PHF21B: variants seen among roughly 807,000 people sequenced by gnomAD.
PHF21B encodes PHD finger protein 4.
In PHF21B, 22 loss-of-function variants were observed where a neutral mutation model predicts 62.2. The observed-to-expected ratio is 0.35, with a 90% CI of 0.25 to 0.51. The LOEUF (loss-of-function observed/expected upper bound fraction) is 0.51, where lower values mean the gene tolerates loss of function less well. PHF21B is among the 20% of genes least tolerant of loss of function. The probability of loss-of-function intolerance (pLI) is 0.97; values close to 1 mark genes in which losing one functional copy is unlikely to be tolerated. For synonymous variants in PHF21B, 341 were observed against 314.7 expected (o/e 1.08, Z -0.88); for missense variants, 701 against 707.9 (o/e 0.99, Z 0.11).
intron 10 of PHF21B, 117 bp downstream of exon 10, chr22:44,887,846 T>G (rs1466008520): frequency 8.8e-7 from 1 of 1,138,122 alleles, no homozygotes; most frequent in Admixed American, 4.1e-5. Flanking sequence ...TGTGCTGAGG[T>G]TGAAAAAGCC....
chr22:44,894,795 G>A (rs1226853675), intron 6 of PHF21B, among the ~76,000 whole-genome samples: 1 of 152,140 alleles, frequency 6.6e-6, no homozygotes, highest in Non-Finnish European at 1.5e-5. Flanking sequence ...GGACATAAAG[G>A]GAGAGGGCTG....
chr22:44,913,310 G>C (rs1016214574), intron 5 of PHF21B, among the ~76,000 whole-genome samples: 6 of 152,182 alleles, frequency 3.9e-5, no homozygotes, highest in African/African-American at 1.4e-4. Context: ...GCAGAGAAGA[G>C]GCAGGGGCCA....
At chr22:45,000,045 T>C (rs994365607) in intron 2 of PHF21B, among the ~76,000 whole-genome samples, 2 of 152,110 alleles carry the variant, frequency 1.3e-5, no homozygotes, top group Non-Finnish European at 1.5e-5. Context: ...AATCCCCTTT[T>C]ATAACTACGG....
At position 44,882,546 on chromosome 22, in the gene PHF21B, G is replaced by GCCCA. The variant is rs2070757561; in HGVS notation, c.*536_*539dup. On this transcript the variant is annotated 3_prime_UTR_variant, in exon 13 of 13. Transcript: ENST00000313237. ...GCGACGGAGTGCCCCAGGCCCGCCC[G>GCCCA]CCCACCCCAGGGGGACCTCCTAGGA... is the stretch of plus-strand genomic sequence containing the variant. 5 of 52,834 alleles carry GCCCA rather than the reference G, an allele frequency of 9.5e-5. No individual in the cohort carries two copies. In the South Asian group the frequency reaches 2.8e-3, roughly 30 times the overall value. The allele number at this position is 52,834 out of a possible 1,614,324, so 3.3% of individuals were successfully genotyped here.
chr22:45,007,104 G>A (rs1019735504), intron 2 of PHF21B, among the ~76,000 whole-genome samples: 1 of 148,416 alleles, frequency 6.7e-6, no homozygotes, highest in Non-Finnish European at 1.5e-5. Context: ...GGCCGGGGGC[G>A]GGGGGGCCGC....
intron 2 of PHF21B, among the ~76,000 whole-genome samples, chr22:44,987,199 G>A (rs2072965707): frequency 6.6e-6 from 1 of 152,186 alleles, no homozygotes; most frequent in South Asian, 2.1e-4. Flanking sequence ...TATTTCCGGT[G>A]AAAGCTGCTG....
chr22:44,973,833 G>C (rs1010386742), intron 2 of PHF21B, among the ~76,000 whole-genome samples: 4 of 152,226 alleles, frequency 2.6e-5, no homozygotes, highest in Admixed American at 1.3e-4. Flanking sequence ...ACAAGACCTA[G>C]CCCAGCACTG....
chr22:44,904,823 G>A (rs1248657849), intron 5 of PHF21B, among the ~76,000 whole-genome samples: 1 of 93,284 alleles, frequency 1.1e-5, no homozygotes, highest in Non-Finnish European at 2.2e-5. Context: ...CAAAAGGAAA[G>A]GGAGTATCTG....
At chr22:44,992,014 G>A (rs1365545734) in intron 2 of PHF21B, among the ~76,000 whole-genome samples, 4 of 152,330 alleles carry the variant, frequency 2.6e-5, no homozygotes, top group Middle Eastern at 3.4e-3. Context: ...TTGGGGGAGC[G>A]CACTTGGTCG....
chr22:44,918,905 G>C (rs565746234), intron 3 of PHF21B, among the ~76,000 whole-genome samples: 4 of 152,146 alleles, frequency 2.6e-5, no homozygotes, highest in African/African-American at 7.2e-5. Flanking sequence ...AAGGGTCACC[G>C]ACAGGAGAAG....
intron 2 of PHF21B, among the ~76,000 whole-genome samples, chr22:44,939,898 G>A (rs1424160670): frequency 1.3e-5 from 2 of 152,036 alleles, no homozygotes; most frequent in Non-Finnish European, 2.9e-5. Flanking sequence ...GGGAGGTGAG[G>A]ATGAGTAAGA....
intron 5 of PHF21B, among the ~76,000 whole-genome samples, chr22:44,897,403 C>A (rs1050050023): frequency 2.6e-5 from 4 of 152,060 alleles, no homozygotes; most frequent in Non-Finnish European, 5.9e-5. Flanking sequence ...GGTGCCAAAG[C>A]CACTCCTATG....
At chr22:44,931,086 GCT>G (rs1228855708) in intron 2 of PHF21B, among the ~76,000 whole-genome samples, 2 of 152,138 alleles carry the variant, frequency 1.3e-5, no homozygotes, top group African/African-American at 2.4e-5. Context: ...ACCAGGTCTC[GCT>G]CTGTTGCCCC....
intron 5 of PHF21B, among the ~76,000 whole-genome samples, chr22:44,897,110 T>G (rs2071075211): frequency 1.3e-5 from 2 of 151,948 alleles, no homozygotes; most frequent in South Asian, 4.2e-4. Flanking sequence ...AACTCCTGGG[T>G]GCAGGCCTAC....
At chr22:44,936,469 C>T (rs1341144779) in intron 2 of PHF21B, among the ~76,000 whole-genome samples, 3 of 152,318 alleles carry the variant, frequency 2.0e-5, no homozygotes, top group South Asian at 2.1e-4. Flanking sequence ...TCCAGATCTG[C>T]GTGTGACATC....
At position 44,945,399 on chromosome 22, in the gene PHF21B, G is replaced by A. The variant is rs111618908; in HGVS notation, c.121-24909C>T. On this transcript the variant is annotated intron_variant, in intron 2 of 12. Coordinates refer to ENST00000313237, the MANE Select transcript of PHF21B (RefSeq NM_138415.5). ...ACTTGTCTGTGCTTCCCAAGCAGCC[G>A]CCCCTAGAAATCTGAGACCCTCCCA... Among the ~76,000 whole-genome samples, 1,298 of 152,300 alleles carry A rather than the reference G, an allele frequency of 8.5e-3. 19 individuals carry two copies. Among genetic ancestry groups the A allele is most frequent in the East Asian group, 0.022 (112 of 5,168 alleles).
At chr22:44,888,682 G>C (rs571882779) in intron 9 of PHF21B, among the ~76,000 whole-genome samples, 81 of 152,340 alleles carry the variant, frequency 5.3e-4, no homozygotes, top group African/African-American at 1.9e-3. Context: ...GAAAAGACCA[G>C]AGAGCTCTCC....
intron 2 of PHF21B, among the ~76,000 whole-genome samples, chr22:44,944,449 A>C (rs768142285): frequency 1.3e-5 from 2 of 152,094 alleles, no homozygotes; most frequent in Non-Finnish European, 2.9e-5. Context: ...GGATTCTGGG[A>C]GCTATCGAGA....
intron 2 of PHF21B, among the ~76,000 whole-genome samples, chr22:44,970,434 TGG>T (rs1159040337): frequency 6.6e-6 from 1 of 152,188 alleles, no homozygotes; most frequent in East Asian, 1.9e-4. Context: ...CTGGTAGGGC[TGG>T]GTGTGCCAGG....
Sources: allele counts gnomAD v4.1 joint callset (sites outside exome capture counted in the v4.1 genomes callset), GRCh38; gene constraint gnomAD v4.1.1; transcripts MANE v1.5; gene names NCBI Gene and HGNC (gene_info 2026-07-23, HGNC 2026-07-21).